Variants in ZNF385D observed in about 807,000 individuals in gnomAD.
ZNF385D encodes the protein zinc finger protein 385D, also known as zinc finger protein 659.
A neutral mutation model predicts 35.8 loss-of-function variants in ZNF385D; 15 were observed. The ratio of observed to expected loss-of-function variants is 0.42; its 90% CI spans 0.28 to 0.64. The LOEUF is 0.64. ZNF385D is among the 30% of genes least tolerant of loss of function. The probability of loss-of-function intolerance (pLI) is 0.23; values close to 1 mark genes in which losing one functional copy is unlikely to be tolerated. For synonymous variants in ZNF385D, 212 were observed against 186.8 expected (o/e 1.13, Z -1.10); for missense variants, 474 against 494.6 (o/e 0.96, Z 0.39).
intron 2 of ZNF385D, among the ~76,000 whole-genome samples, chr3:22,272,735 A>G (rs1376720735): frequency 6.6e-6 from 1 of 152,058 alleles, no homozygotes. Flanking sequence ...GACTGTATGT[A>G]AATAATTGTA....
At chr3:21,909,563 G>T (rs543161880) in intron 3 of ZNF385D, among the ~76,000 whole-genome samples, 2 of 151,338 alleles carry the variant, frequency 1.3e-5, no homozygotes, top group African/African-American at 4.8e-5. Context: ...TAGTAGATAG[G>T]CATAAAAATT....
At chr3:22,126,356 G>A (rs1303061175) in intron 3 of ZNF385D, among the ~76,000 whole-genome samples, 4 of 115,334 alleles carry the variant, frequency 3.5e-5, no homozygotes, top group South Asian at 2.9e-4. Context: ...GGCACTTGTT[G>A]CTATTAACCT....
At position 21,551,529 on chromosome 3, in the gene ZNF385D, T is replaced by C. The variant is rs568753415; in HGVS notation, c.276+13045A>G. ...ATCTTATTTCCTATTCTATAGTGAATCATTGAGTATCCATTCTCTACTTCA... is the reference window on the plus strand; with the variant it reads ...ATCTTATTTCCTATTCTATAGTGAACCATTGAGTATCCATTCTCTACTTCA... On this transcript the variant is annotated intron_variant, in intron 3 of 7. Transcript: ENST00000281523. Among the ~76,000 whole-genome samples the C allele has an allele frequency of 4.6e-5, 7 of 152,356 alleles. No homozygotes were observed. In the South Asian group the frequency reaches 1.4e-3, roughly 32 times the overall value.
At chr3:22,040,174 T>C (rs1160483370) in intron 3 of ZNF385D, among the ~76,000 whole-genome samples, 2 of 152,186 alleles carry the variant, frequency 1.3e-5, no homozygotes, top group African/African-American at 2.4e-5. Context: ...CCCTCATGAT[T>C]TTCCTTACAC....
chr3:21,439,927 T>G (rs1701771921), intron 4 of ZNF385D, among the ~76,000 whole-genome samples: 1 of 152,082 alleles, frequency 6.6e-6, no homozygotes, highest in Admixed American at 6.6e-5. Context: ...TAGCTAACCA[T>G]AAATTTGTTA....
chr3:21,911,957 T>C (rs1699983744), intron 3 of ZNF385D, among the ~76,000 whole-genome samples: 1 of 151,968 alleles, frequency 6.6e-6, no homozygotes, highest in Non-Finnish European at 1.5e-5. Flanking sequence ...AAGAGTGATC[T>C]AGTACCTTAA....
At chr3:21,681,872 G>A (rs2066922937) in intron 1 of ZNF385D, among the ~76,000 whole-genome samples, 1 of 150,718 alleles carries the variant, frequency 6.6e-6, no homozygotes, top group Non-Finnish European at 1.5e-5. Flanking sequence ...CTCAGGTATT[G>A]AAAACATGTA....
At chr3:22,154,064 G>A (rs1478587867) in intron 3 of ZNF385D, among the ~76,000 whole-genome samples, 1 of 152,018 alleles carries the variant, frequency 6.6e-6, no homozygotes, top group Non-Finnish European at 1.5e-5. Flanking sequence ...TTTGGTATAT[G>A]GAATAAGCCT....
chr3:21,860,463 T>C (rs1055003877), intron 3 of ZNF385D, among the ~76,000 whole-genome samples: 11 of 122,066 alleles, frequency 9.0e-5, no homozygotes, highest in African/African-American at 2.8e-4. Context: ...ACTCACAATA[T>C]TGACTACTTT....
At chr3:21,689,453 T>A (rs1357341476) in intron 1 of ZNF385D, among the ~76,000 whole-genome samples, 1 of 152,158 alleles carries the variant, frequency 6.6e-6, no homozygotes, top group Non-Finnish European at 1.5e-5. Flanking sequence ...TTGGGGGTCT[T>A]TAGCAACTTG....
At chr3:22,231,010 A>G (rs1170142794) in intron 2 of ZNF385D, among the ~76,000 whole-genome samples, 1 of 151,808 alleles carries the variant, frequency 6.6e-6, no homozygotes, top group Non-Finnish European at 1.5e-5. Flanking sequence ...TATACATTTT[A>G]TTACTCAATC....
In ZNF385D at chr3:21,843,083, G is replaced by C. The variant is rs537490602; in HGVS notation, c.326-178055C>G. Among the ~76,000 whole-genome samples the C allele has an allele frequency of 8.5e-5, 13 of 152,090 alleles. No individual in the cohort carries two copies. In the South Asian group the frequency reaches 1.9e-3, roughly 22 times the overall value. ...TAGAAGCTAGAGTTGGCTTTTATTG[G>C]AAACTATTTATCCTGGAGAGTAGTT... is the stretch of plus-strand genomic sequence containing the variant. On this transcript the variant is annotated intron_variant, in intron 3 of 5. Transcript: ENST00000494108.
chr3:21,688,652 C>T (rs529856245), intron 1 of ZNF385D, among the ~76,000 whole-genome samples: 42 of 152,244 alleles, frequency 2.8e-4, no homozygotes, highest in Non-Finnish European at 5.6e-4. Flanking sequence ...TCTTTTAAAT[C>T]CATGAATTCT....
intron 3 of ZNF385D, among the ~76,000 whole-genome samples, chr3:21,525,821 A>G (rs1708191708): frequency 6.6e-6 from 1 of 152,162 alleles, no homozygotes; most frequent in Non-Finnish European, 1.5e-5. Context: ...AGTTAAAAAA[A>G]TTAGTAAACA....
intron 2 of ZNF385D, among the ~76,000 whole-genome samples, chr3:21,660,798 A>G (rs552879806): frequency 6.7e-4 from 102 of 152,298 alleles, no homozygotes; most frequent in African/African-American, 2.3e-3. Flanking sequence ...TTGTTTGTTT[A>G]GTTATTTTAT....
At chr3:21,470,097 C>T (rs533715151) in intron 4 of ZNF385D, among the ~76,000 whole-genome samples, 26 of 152,222 alleles carry the variant, frequency 1.7e-4, no homozygotes, top group African/African-American at 5.5e-4. Context: ...ACTTTTTCCC[C>T]GTGGAAAAGT....
chr3:22,063,844 T>C (rs1699806623), intron 3 of ZNF385D, among the ~76,000 whole-genome samples: 1 of 152,234 alleles, frequency 6.6e-6, no homozygotes, highest in African/African-American at 2.4e-5. Flanking sequence ...TCTAAAGAGT[T>C]ATCCAAGCTC....
At chr3:21,884,238 C>A (rs902344731) in intron 3 of ZNF385D, among the ~76,000 whole-genome samples, 1 of 151,950 alleles carries the variant, frequency 6.6e-6, no homozygotes, top group Admixed American at 6.6e-5. Flanking sequence ...CCTTTTCAAC[C>A]CAGAATGTTG....
chr3:21,698,582 G>C (rs1284453773), intron 1 of ZNF385D, among the ~76,000 whole-genome samples: 2 of 151,944 alleles, frequency 1.3e-5, no homozygotes, highest in Admixed American at 6.6e-5. Context: ...TAGCAAGCCT[G>C]CATATATGCT....
Sources: allele counts gnomAD v4.1 joint callset (sites outside exome capture counted in the v4.1 genomes callset), GRCh38; gene constraint gnomAD v4.1.1; transcripts MANE v1.5; gene names NCBI Gene and HGNC (gene_info 2026-07-23, HGNC 2026-07-21).